Variants in NTM observed in about 807,000 individuals in gnomAD.
The protein encoded by NTM is neurotrimin.
NTM carries 13 observed loss-of-function variants against 42.1 expected under a neutral mutation model. The ratio of observed to expected loss-of-function variants is 0.31; its 90% CI spans 0.20 to 0.49. The LOEUF is 0.49. Ranked by LOEUF, NTM falls within the 20% of genes least tolerant of loss-of-function variation. NTM has a pLI of 0.99. For missense variants in NTM, 373 were observed against 452.8 expected (o/e 0.82, Z 1.60); for synonymous variants, 187 against 179.2 (o/e 1.04, Z -0.35).
intron 1 of NTM, among the ~76,000 whole-genome samples, chr11:131,886,517 A>G (rs145790143): frequency 7.3e-4 from 111 of 152,352 alleles, no homozygotes; most frequent in Non-Finnish European, 1.4e-3. Context: ...CTCTACCTCT[A>G]AAAAGATCCC....
rs191513417 is a variant in NTM, at chr11:131,804,264, A to G, written c.83-107300A>G. On this transcript the variant is annotated intron_variant, in intron 1 of 8. Transcript: ENST00000683400. ...ACAACTCTGACCCTCACACTTTCTA[A>G]TAAAAAGCCGTTAATGATACCCTTA... is the stretch of plus-strand genomic sequence containing the variant. 2.6e-5 allele frequency among the ~76,000 whole-genome samples: 4 copies of G among 152,282 alleles called. No individual in the cohort carries two copies. The East Asian group carries it at 7.7e-4, about 29-fold the overall frequency.
intron 1 of NTM, among the ~76,000 whole-genome samples, chr11:131,812,183 CCTCTCTCTCTCTCTCTCT>C (rs145003478): frequency 0.54 from 77,233 of 143,002 alleles, 20,950 homozygotes; most frequent in East Asian, 0.82. Flanking sequence ...AATTAGTCAG[CCTCTCTCTCTCTCTCTCT>C]CTCTCTCTCT....
At chr11:131,666,658 G>A (rs774696883) in intron 1 of NTM, among the ~76,000 whole-genome samples, 1 of 152,168 alleles carries the variant, frequency 6.6e-6, no homozygotes, top group Non-Finnish European at 1.5e-5. Flanking sequence ...AGTAGCCCTG[G>A]ATGACGTTCC....
intron 1 of NTM, chr11:131,535,125 G>C (rs550694749): frequency 6.6e-6 from 1 of 152,238 alleles, no homozygotes; most frequent in South Asian, 2.1e-4. Context: ...GGTGGTCCCG[G>C]GGACAGGTGT....
At chr11:132,109,407 C>T (rs1489332392) in intron 2 of NTM, among the ~76,000 whole-genome samples, 1 of 152,214 alleles carries the variant, frequency 6.6e-6, no homozygotes, top group Non-Finnish European at 1.5e-5. Flanking sequence ...ATCCATAAAC[C>T]GGGCAGTGGG....
intron 1 of NTM, among the ~76,000 whole-genome samples, chr11:131,460,160 C>G (rs1286726249): frequency 1.3e-5 from 2 of 152,090 alleles, no homozygotes; most frequent in African/African-American, 4.8e-5. Flanking sequence ...GATTCATAGA[C>G]AGCGTAATGC....
chr11:132,140,149 C>G (rs75508159), intron 2 of NTM, among the ~76,000 whole-genome samples: 14,710 of 152,226 alleles, frequency 0.097, 950 homozygotes, highest in Middle Eastern at 0.16. Flanking sequence ...GATAACCTCT[C>G]TGAGGCCTGA....
At chr11:132,186,444 T>A (rs977324743) in intron 3 of NTM, among the ~76,000 whole-genome samples, 6 of 152,318 alleles carry the variant, frequency 3.9e-5, no homozygotes, top group African/African-American at 1.4e-4. Flanking sequence ...CCTTCTCTTT[T>A]TAGTTTGACT....
intron 1 of NTM, among the ~76,000 whole-genome samples, chr11:131,463,204 C>T (rs769421405): frequency 8.5e-5 from 13 of 152,202 alleles, no homozygotes; most frequent in Non-Finnish European, 1.2e-4. Context: ...GGAAAGCAGC[C>T]GGAGATTGTA....
At chr11:132,059,062 T>C (rs1051930518) in intron 2 of NTM, among the ~76,000 whole-genome samples, 1 of 152,198 alleles carries the variant, frequency 6.6e-6, no homozygotes, top group African/African-American at 2.4e-5. Flanking sequence ...AAAACCAATA[T>C]AGACAGAAAA....
At chr11:131,413,151 T>C (rs970772824) in intron 1 of NTM, among the ~76,000 whole-genome samples, 1 of 152,064 alleles carries the variant, frequency 6.6e-6, no homozygotes, top group Admixed American at 6.6e-5. Context: ...AAGGATAGAG[T>C]CAGGTGCCAG....
At chr11:131,984,049 A>T (rs2065686580) in intron 2 of NTM, among the ~76,000 whole-genome samples, 1 of 152,228 alleles carries the variant, frequency 6.6e-6, no homozygotes, top group Non-Finnish European at 1.5e-5. Flanking sequence ...AATGCCAAGA[A>T]AAAATAGACA....
chr11:131,716,161 A>T (rs1035935282), intron 1 of NTM, among the ~76,000 whole-genome samples: 4 of 152,216 alleles, frequency 2.6e-5, no homozygotes, highest in Admixed American at 2.6e-4. Flanking sequence ...ATGTCTTTAC[A>T]TGGTGGAAGG....
chr11:131,765,344 C>T (rs1446883474), intron 1 of NTM, among the ~76,000 whole-genome samples: 1 of 152,184 alleles, frequency 6.6e-6, no homozygotes, highest in Non-Finnish European at 1.5e-5. Flanking sequence ...CCCCTCCTCT[C>T]ACTCTTCATT....
intron 2 of NTM, among the ~76,000 whole-genome samples, chr11:131,976,420 C>T (rs1489543093): frequency 6.6e-6 from 1 of 152,030 alleles, no homozygotes; most frequent in Non-Finnish European, 1.5e-5. Flanking sequence ...TGCCTTTTAC[C>T]TTGGATGAAT....
chr11:131,477,544 A>T (rs1953082761), intron 1 of NTM, among the ~76,000 whole-genome samples: 2 of 151,804 alleles, frequency 1.3e-5, no homozygotes, highest in South Asian at 4.2e-4. Context: ...GACACAGAGG[A>T]TGCGCCCTCT....
chr11:132,275,738 A>ATATATATACGTATATATACG (rs1565363148), intron 4 of NTM, among the ~76,000 whole-genome samples: 13 of 66,670 alleles, frequency 1.9e-4, no homozygotes, highest in South Asian at 1.1e-3. Flanking sequence ...ATATATACGT[A>ATATATATACGTATATATACG]TATATATATG....
intron 1 of NTM, among the ~76,000 whole-genome samples, chr11:131,904,840 T>C (rs920020354): frequency 1.3e-5 from 2 of 151,988 alleles, no homozygotes; most frequent in African/African-American, 2.4e-5. Flanking sequence ...GGCCTGACAG[T>C]GGGGTGGGAG....
intron 1 of NTM, among the ~76,000 whole-genome samples, chr11:131,646,092 G>A (rs1209821400): frequency 6.6e-6 from 1 of 152,234 alleles, no homozygotes. Context: ...TCCTGGGCAG[G>A]CTTCAAGGGC....
Sources: gnomAD v4.1 joint callset for allele counts (sites outside exome capture counted in the v4.1 genomes callset) on GRCh38, gnomAD v4.1.1 for gene constraint, MANE v1.5 for transcripts, NCBI Gene and HGNC (gene_info 2026-07-23, HGNC 2026-07-21) for gene names.